The following ADGRV1 variants were observed in gnomAD, a reference collection of about 807,000 sequenced individuals.
The protein encoded by ADGRV1 is adhesion G protein-coupled receptor V1, also known as G-protein coupled receptor 98.
In ADGRV1, 359 loss-of-function variants were observed where a neutral mutation model predicts 596.2. The observed-to-expected ratio is 0.60, with a 90% CI of 0.55 to 0.66. ADGRV1 has a LOEUF of 0.66. ADGRV1 is among the 30% of genes least tolerant of loss of function. The probability of loss-of-function intolerance (pLI) is 0.00; values close to 1 mark genes in which losing one functional copy is unlikely to be tolerated. For missense variants in ADGRV1, 7,274 were observed against 7,575.6 expected (o/e 0.96, Z 1.48); for synonymous variants, 2,681 against 2,679.2 (o/e 1.00, Z -0.02).
chr5:91,126,251 A>T (rs1793743562), intron 87 of ADGRV1, among the ~76,000 whole-genome samples: 1 of 152,216 alleles, frequency 6.6e-6, no homozygotes. Context: ...CCCCTTCCAC[A>T]AATTCTCTCA....
rs1773076144 is a variant in ADGRV1, at chr5:90,675,361, C to T, written c.5229C>T (p.Val1743=). 1 of 1,613,732 alleles carries T rather than the reference C, an allele frequency of 6.2e-7. No homozygotes were observed. Among genetic ancestry groups the T allele is most frequent in the Admixed American group, 1.7e-5 (1 of 59,932 alleles). Reference sequence around the variant, plus strand: ...AAGATGGAGAAATCAGGTTATTGGTCATCCGTGCACAGGGACTTCTGGGAA... The same window carrying T: ...AAGATGGAGAAATCAGGTTATTGGTTATCCGTGCACAGGGACTTCTGGGAA... The part of the protein sequence containing the change: ...EEEDGEIRLL[V]IRAQGLLGRV... Residue 1743 remains valine (V), a synonymous_variant, in exon 24 of 90, where the codon GTC becomes GTT. Transcript: ENST00000405460.
chr5:90,807,408 A>G (rs1438425757), intron 72 of ADGRV1, among the ~76,000 whole-genome samples, 194 bp from the exon 73 acceptor site: 1 of 152,208 alleles, frequency 6.6e-6, no homozygotes, highest in Non-Finnish European at 1.5e-5. Context: ...AAAAGTAAAC[A>G]GGGACCGAAA....
At position 90,985,486 on chromosome 5, in the gene ADGRV1, G is replaced by A. The variant is rs754850398; in HGVS notation, c.18116G>A (p.Ser6039Asn). ...IVILKGIYHQ[S>N]MSQIYGLIHG... ...ATTTTGAAAGGAATCTATCATCAGAGCATGTCACAGATCTATGGACTCATT... is the reference window on the plus strand; with the variant it reads ...ATTTTGAAAGGAATCTATCATCAGAACATGTCACAGATCTATGGACTCATT... The change falls in exon 85 of 90, where the codon AGC (serine) becomes AAC (asparagine). Residue 6039 changes from serine to asparagine, a missense_variant. This residue lies in a region of ADGRV1 where 1,874 missense variants were observed against 1,970.2 expected (regional missense o/e 0.95). Transcript: ENST00000405460. 1.9e-6 allele frequency: 3 copies of A among 1,613,850 alleles called. No individual in the cohort carries two copies. Among genetic ancestry groups the A allele is most frequent in the Admixed American group, 1.7e-5 (1 of 60,022 alleles).
Position 90,686,166 on chromosome 5 carries a change from G to T in ADGRV1, c.6490+171G>T, listed in dbSNP as rs560325549. On this transcript the variant is annotated intron_variant, in intron 29 of 89. Transcript: ENST00000405460. ...CAAATCTAGAGTCTTTTTTTTTGGG[G>T]GGGGGGATGGAGTCTCGCTTGATTT... 2.1e-4 allele frequency among the ~76,000 whole-genome samples: 32 copies of T among 149,372 alleles called. 1 individual carries two copies. The highest frequency in any genetic ancestry group is 7.7e-4 in the African/African-American group (31 of 40,416).
chr5:90,838,850 A>T (rs1433103672), intron 77 of ADGRV1, among the ~76,000 whole-genome samples: 1 of 152,008 alleles, frequency 6.6e-6, no homozygotes, highest in Non-Finnish European at 1.5e-5. Flanking sequence ...ATATAGCGAG[A>T]CCCTCATCTC....
chr5:90,564,697 G>A (rs1435313628), intron 1 of ADGRV1, among the ~76,000 whole-genome samples: 13 of 27,822 alleles, frequency 4.7e-4, no homozygotes, highest in East Asian at 9.4e-4. Context: ...CGCGATCTCG[G>A]CTCACTGCAA....
At chr5:90,654,250 A>C in intron 20 of ADGRV1, 4 of 373,222 alleles carry the variant, frequency 1.1e-5, no homozygotes, top group East Asian at 6.1e-5. Context: ...TGAAAGAGGA[A>C]TGTTTGTCCT....
intron 64 of ADGRV1, 171 bp downstream of exon 64, chr5:90,779,268 G>GTT (rs111907865): frequency 3.4e-4 from 122 of 363,212 alleles, no homozygotes; most frequent in South Asian, 5.7e-4. Flanking sequence ...CAATGACTGA[G>GTT]TTTTTTTTTT....
At chr5:90,828,243 C>A (rs531755584) in intron 76 of ADGRV1, among the ~76,000 whole-genome samples, 1 of 152,096 alleles carries the variant, frequency 6.6e-6, no homozygotes, top group Non-Finnish European at 1.5e-5. Flanking sequence ...ATACATAAAA[C>A]TTCAGAATTG....
intron 87 of ADGRV1, among the ~76,000 whole-genome samples, chr5:91,135,223 T>G (rs1444370674): frequency 6.6e-6 from 1 of 152,002 alleles, no homozygotes; most frequent in East Asian, 1.9e-4. Flanking sequence ...ACATAGACAT[T>G]TCCTTGTGTA....
chr5:91,031,864 A>T (rs191730764), intron 85 of ADGRV1, among the ~76,000 whole-genome samples: 10 of 152,332 alleles, frequency 6.6e-5, no homozygotes, highest in Admixed American at 2.0e-4. Context: ...AGTAAAGAGT[A>T]AACTAATCCT....
At chr5:90,869,149 A>G (rs137887938) in intron 83 of ADGRV1, among the ~76,000 whole-genome samples, 426 of 152,336 alleles carry the variant, frequency 2.8e-3, no homozygotes, top group African/African-American at 9.8e-3. Context: ...GGCTGAGAAT[A>G]AGGGACCCCA....
In ADGRV1 at chr5:90,622,638, G is replaced by A; in HGVS notation, c.495G>A (p.Glu165=). 2.6e-6 allele frequency: 4 copies of A among 1,531,874 alleles called. No homozygotes were observed. The South Asian group carries it at 5.4e-5, about 21-fold the overall frequency. 94.9% of individuals were successfully genotyped at this position (1,531,874 alleles called of 1,614,324 possible). Residue 165 remains glutamate, a synonymous_variant, in exon 5 of 90, where the codon GAG becomes GAA. Transcript: ENST00000405460. The part of the protein sequence containing the change: ...IAVSEPKGRN[E]SMPLTLIREK... ...TGAGTGAGCCCAAGGGCAGAAATGA[G>A]TCTATGCCTCTTACTCTCATCAGGG...
intron 69 of ADGRV1, among the ~76,000 whole-genome samples, chr5:90,790,075 A>T (rs760658105): frequency 3.9e-5 from 6 of 152,218 alleles, no homozygotes; most frequent in Non-Finnish European, 8.8e-5. Flanking sequence ...TAGTTCAGAA[A>T]GATTTTCCTC....
chr5:90,820,084 T>A (rs1255720612), intron 75 of ADGRV1, among the ~76,000 whole-genome samples: 4 of 152,028 alleles, frequency 2.6e-5, no homozygotes, highest in East Asian at 3.9e-4. Flanking sequence ...GACTTGCTTT[T>A]TGAATCTGGG....
intron 85 of ADGRV1, among the ~76,000 whole-genome samples, chr5:91,043,195 A>T (rs1785513152): frequency 6.6e-6 from 1 of 152,168 alleles, no homozygotes; most frequent in African/African-American, 2.4e-5. Context: ...TCTTGGCTGT[A>T]ATACAGTGGA....
intron 85 of ADGRV1, among the ~76,000 whole-genome samples, chr5:91,070,987 A>T (rs1232143004): frequency 6.6e-6 from 1 of 152,146 alleles, no homozygotes; most frequent in East Asian, 1.9e-4. Context: ...TTTCCAAAGG[A>T]TTCTGGAGCT....
At chr5:90,728,203 C>G (rs1484372625) in intron 48 of ADGRV1, among the ~76,000 whole-genome samples, 2 of 152,170 alleles carry the variant, frequency 1.3e-5, no homozygotes, top group Non-Finnish European at 2.9e-5. Context: ...TGAAAACTTG[C>G]ATACGTTGAC....
chr5:90,864,554 A>AT (rs367797608), intron 83 of ADGRV1, among the ~76,000 whole-genome samples: 407 of 152,196 alleles, frequency 2.7e-3, no homozygotes, highest in African/African-American at 9.4e-3. Flanking sequence ...GGCTTAATTC[A>AT]TTTTTTTCAT....
Sources: allele counts gnomAD v4.1 joint callset (sites outside exome capture counted in the v4.1 genomes callset), GRCh38; gene constraint gnomAD v4.1.1; regional missense constraint gnomAD v4.1.1; transcripts MANE v1.5; gene names NCBI Gene and HGNC (gene_info 2026-07-23, HGNC 2026-07-21).